LILRB1: variants seen among roughly 807,000 people sequenced by gnomAD.
The protein encoded by LILRB1 is leukocyte immunoglobulin-like receptor subfamily B member 1.
Under a neutral mutation model 74.6 loss-of-function variants are expected in LILRB1, and 59 were observed. That is an observed-to-expected ratio of 0.79 (90% CI 0.64 to 0.98). LILRB1 has a LOEUF of 0.98. Among genes scored for constraint, LILRB1 ranks in the 50% least tolerant of loss-of-function variants. LILRB1 has a pLI of 0.00. For missense variants in LILRB1, 804 were observed against 822.6 expected, an observed-to-expected ratio of 0.98 and a Z score of 0.28; for synonymous variants, 328 against 333.9, an observed-to-expected ratio of 0.98 and a Z score of 0.19.
upstream of LILRB1, among the ~76,000 whole-genome samples, chr19:54,628,579 C>T (rs1167012172): frequency 6.6e-6 from 1 of 152,136 alleles, no homozygotes; most frequent in East Asian, 1.9e-4. Flanking sequence ...ATACAAAGCA[C>T]ACTGCAGAGG....
chr19:54,634,865 G>C (rs1481446234), intron 10 of LILRB1, 102 bp downstream of exon 10: 9 of 1,533,174 alleles, frequency 5.9e-6, no homozygotes, highest in Non-Finnish European at 6.2e-6. Context: ...TTGAGAAACT[G>C]TTCCAGCATT....
intron 3 of LILRB1, 35 bp downstream of exon 3, chr19:54,631,341 C>G: frequency 6.2e-7 from 1 of 1,613,540 alleles, no homozygotes; most frequent in Non-Finnish European, 8.5e-7. Context: ...GGTCCCTCCT[C>G]CTCACTGGGG....
At chr19:54,625,562 G>T (rs1396196733), upstream of LILRB1, among the ~76,000 whole-genome samples, 2 of 152,178 alleles carry the variant, frequency 1.3e-5, no homozygotes, top group African/African-American at 4.8e-5. Flanking sequence ...GGATCCCAGG[G>T]GCCTCACACC....
chr19:54,632,173 T>G lies in LILRB1; in HGVS notation c.597T>G (p.Ala199=). Residue 199 remains alanine (A), a synonymous_variant, in exon 5 of 15, where the codon GCT becomes GCG. Transcript: ENST00000324602. ...PSRRWWYRCY[A]YDSNSPYEWS... Reference sequence around the variant, plus strand: ...GCAGGTGGTGGTACAGGTGCTATGCTTATGACTCGAACTCTCCCTATGAGT... The same window carrying G: ...GCAGGTGGTGGTACAGGTGCTATGCGTATGACTCGAACTCTCCCTATGAGT... 1 of 1,614,028 alleles carries G rather than the reference T, an allele frequency of 6.2e-7. No individual in the cohort carries two copies. Among genetic ancestry groups the G allele is most frequent in the Non-Finnish European group, 8.5e-7 (1 of 1,179,888 alleles).
intron 8 of LILRB1, 73 bp from the exon 9 acceptor site, chr19:54,633,898 C>T (rs1599856984): frequency 5.2e-6 from 8 of 1,538,154 alleles, no homozygotes; most frequent in East Asian, 2.4e-5. Flanking sequence ...TGGGGCCCAG[C>T]CTGGGGGAGG....
intron 5 of LILRB1, 74 bp downstream of exon 5, chr19:54,632,311 G>A (rs1438308744): frequency 1.9e-6 from 3 of 1,566,570 alleles, no homozygotes; most frequent in African/African-American, 1.4e-5. Flanking sequence ...TCTCAGGGCA[G>A]TTCCAGGTGG....
chr19:54,635,750 G>T (rs781301056), intron 13 of LILRB1, 141 bp downstream of exon 13: 5 of 1,002,348 alleles, frequency 5.0e-6, no homozygotes, highest in African/African-American at 4.8e-5. Context: ...CCTCCCGCCT[G>T]CTGCGACCTC....
At chr19:54,632,867 G>C in intron 6 of LILRB1, 107 bp downstream of exon 6, 2 of 1,510,314 alleles carry the variant, frequency 1.3e-6, no homozygotes, top group Non-Finnish European at 1.8e-6. Context: ...CCAAGGGAGG[G>C]AGAGACAGAC....
rs532018264 is a variant in LILRB1 at position 54,620,620 on chromosome 19, G to A, written c.-166+3271G>A. On this transcript the variant is annotated intron_variant, in intron 1 of 15. Transcript: ENST00000396331. ...AACCAGCTTAGTGGACCAGACAAAC[G>A]CCACTGAAAGGTCTGTTGGCCCTGA... 5.9e-5 allele frequency among the ~76,000 whole-genome samples: 9 copies of A among 152,228 alleles called. No individual in the cohort carries two copies. In the South Asian group the frequency reaches 1.7e-3, roughly 28 times the overall value.
At chr19:54,635,474 C>G (rs1184430056) in intron 12 of LILRB1, 83 bp from the exon 13 acceptor site, 2 of 1,551,176 alleles carry the variant, frequency 1.3e-6, no homozygotes, top group South Asian at 1.2e-5. Context: ...GTGGCCCCAT[C>G]TGGGAGCTGA....
Position 54,637,006 on chromosome 19 carries a change from T to G in LILRB1, c.*128T>G. ...AGGAGACTCTGGGAACTTTTAGGGGTCACTCAATTCTGCAGTATAAATAAC... is the reference window on the plus strand; with the variant it reads ...AGGAGACTCTGGGAACTTTTAGGGGGCACTCAATTCTGCAGTATAAATAAC... On this transcript the variant is annotated 3_prime_UTR_variant, in exon 15 of 15. Coordinates refer to ENST00000324602, the MANE Select transcript of LILRB1 (RefSeq NM_001081637.3). 1 of 1,094,352 alleles carries G rather than the reference T, an allele frequency of 9.1e-7. No individual in the cohort carries two copies. The highest frequency in any genetic ancestry group is 1.3e-6 in the Non-Finnish European group (1 of 760,232). 67.8% of individuals were successfully genotyped at this position (1,094,352 alleles called of 1,614,324 possible).
At position 54,631,895 on chromosome 19, in the gene LILRB1, G is replaced by A. The variant is rs778225821; in HGVS notation, c.359-40G>A. The A allele has an allele frequency of 1.8e-3, 2,876 of 1,601,358 alleles. No homozygotes were observed. The East Asian group carries it at 0.029, about 16-fold the overall frequency. Reference sequence around the variant, plus strand: ...CCCAGCCCTGGGGATGACGCGGGTGGTCTGAGCCACATTTAACACGGTGCC... The same window carrying A: ...CCCAGCCCTGGGGATGACGCGGGTGATCTGAGCCACATTTAACACGGTGCC... On this transcript the variant is annotated intron_variant, in intron 4 of 14. Coordinates refer to ENST00000324602, the MANE Select transcript of LILRB1 (RefSeq NM_001081637.3).
At chr19:54,629,094 G>A (rs926499216), upstream of LILRB1, among the ~76,000 whole-genome samples, 4 of 152,164 alleles carry the variant, frequency 2.6e-5, no homozygotes, top group East Asian at 1.9e-4. Flanking sequence ...CTGGAGCAAC[G>A]CAGCCTTGAA....
upstream of LILRB1, among the ~76,000 whole-genome samples, chr19:54,627,789 T>A (rs1433911135): frequency 3.3e-5 from 5 of 152,224 alleles, no homozygotes; most frequent in African/African-American, 1.2e-4. Context: ...ACCACAGGAA[T>A]CATCCTCACA....
chr19:54,630,955 G>A (rs1174116053), intron 1 of LILRB1, 71 bp from the exon 2 acceptor site: 3 of 1,611,976 alleles, frequency 1.9e-6, no homozygotes, highest in Non-Finnish European at 2.5e-6. Context: ...GGCTGCAGAT[G>A]ACAGCACCCC....
intron 1 of LILRB1, 162 bp downstream of exon 1, chr19:54,630,795 G>A (rs2063764751): frequency 2.7e-6 from 2 of 746,532 alleles, no homozygotes; most frequent in South Asian, 1.6e-5. Flanking sequence ...CTCTCAGTGG[G>A]ATGAAAACAA....
chr19:54,633,408 G>C, intron 7 of LILRB1, 90 bp downstream of exon 7: 1 of 1,500,456 alleles, frequency 6.7e-7, no homozygotes. Flanking sequence ...GAGTGAGCGG[G>C]GGTCTGAGAG....
intron 8 of LILRB1, 96 bp from the exon 9 acceptor site, chr19:54,633,875 C>G: frequency 3.3e-6 from 5 of 1,504,830 alleles, no homozygotes; most frequent in Non-Finnish European, 4.5e-6. Flanking sequence ...GGGGTCAAGG[C>G]AGAGAGAAAT....
intron 1 of LILRB1, among the ~76,000 whole-genome samples, chr19:54,624,999 G>A (rs933457709): frequency 8.8e-6 from 1 of 113,160 alleles, no homozygotes; most frequent in Non-Finnish European, 2.2e-5. Flanking sequence ...CACAGGGCCC[G>A]CTCACACTTC....
Sources: allele counts gnomAD v4.1 joint callset (sites outside exome capture counted in the v4.1 genomes callset), GRCh38; gene constraint gnomAD v4.1.1; transcripts MANE v1.5; gene names NCBI Gene and HGNC (gene_info 2026-07-23, HGNC 2026-07-21).